Variants in FMN1 observed in about 807,000 individuals in gnomAD.
The protein encoded by FMN1 is formin 1.
FMN1 carries 110 observed loss-of-function variants against 132.4 expected under a neutral mutation model. The observed-to-expected ratio is 0.83, with a 90% CI of 0.71 to 0.97. The LOEUF is 0.97. FMN1 is among the 50% of genes least tolerant of loss of function. FMN1 has a pLI of 0.00. For synonymous variants in FMN1, 722 were observed against 651.7 expected (o/e 1.11, Z -1.64); for missense variants, 1,792 against 1,705.3 (o/e 1.05, Z -0.90).
intron 4 of FMN1, among the ~76,000 whole-genome samples, chr15:33,120,458 A>T (rs556457228): frequency 4.2e-4 from 64 of 152,166 alleles, no homozygotes; most frequent in Non-Finnish European, 7.9e-4. Context: ...ACATGTTCAA[A>T]GTTAGCCATC....
At chr15:32,853,566 C>T (rs1434450051) in intron 17 of FMN1, among the ~76,000 whole-genome samples, 1 of 152,180 alleles carries the variant, frequency 6.6e-6, no homozygotes, top group Non-Finnish European at 1.5e-5. Flanking sequence ...TTCTACGAAT[C>T]AGTGAAATAT....
rs68023229 is a variant in FMN1 at position 32,956,360 on chromosome 15, C to CT, written c.3138+7746dup. 9.2e-3 allele frequency among the ~76,000 whole-genome samples: 1,356 copies of CT among 147,458 alleles called. 28 individuals are homozygous for CT. Among genetic ancestry groups the CT allele is most frequent in the East Asian group, 0.084 (421 of 4,994 alleles). ...TCATATTTGACAAGTCCTAACCACT[C>CT]TTTTTTTTTTTTAAAAAAATAAGCA... On this transcript the variant is annotated intron_variant, in intron 9 of 20. Coordinates refer to ENST00000616417, the MANE Select transcript of FMN1 (RefSeq NM_001277313.2).
At chr15:33,128,276 AAC>A (rs1963311325) in intron 4 of FMN1, among the ~76,000 whole-genome samples, 1 of 152,306 alleles carries the variant, frequency 6.6e-6, no homozygotes, top group African/African-American at 2.4e-5. Context: ...TTAGAAGCGC[AAC>A]AGTTGGGAAT....
chr15:32,807,630 A>G (rs1019889047), intron 17 of FMN1, among the ~76,000 whole-genome samples: 8 of 152,198 alleles, frequency 5.3e-5, no homozygotes, highest in Non-Finnish European at 1.0e-4. Context: ...ATAACTGTAT[A>G]TGAATTTAGT....
At chr15:32,910,672 T>C (rs1273180022) in intron 10 of FMN1, 137 bp from the exon 11 acceptor site, 6 of 671,796 alleles carry the variant, frequency 8.9e-6, no homozygotes, top group African/African-American at 3.6e-5. Context: ...TCTGCTCCCC[T>C]TCCTTTCGCA....
chr15:33,165,215 A>AATATCGGGAGTATCTTTTTTAG (rs1468120229), intron 3 of FMN1, among the ~76,000 whole-genome samples: 47 of 152,316 alleles, frequency 3.1e-4, no homozygotes, highest in African/African-American at 1.1e-3. Flanking sequence ...TTCCTTTTCA[A>AATATCGGGAGTATCTTTTTTAG]ATATCGGGAG....
chr15:32,913,132 T>C (rs2060604081), intron 10 of FMN1, among the ~76,000 whole-genome samples: 1 of 152,100 alleles, frequency 6.6e-6, no homozygotes, highest in South Asian at 2.1e-4. Flanking sequence ...TCCAGTCCTT[T>C]AAAACCCCAC....
chr15:32,769,550 G>A lies in FMN1; in HGVS notation c.*4760C>T, dbSNP rs1005563538. 1 of 152,238 alleles carries A rather than the reference G, an allele frequency of 6.6e-6. No individual in the cohort carries two copies. The highest frequency in any genetic ancestry group is 1.5e-5 in the Non-Finnish European group (1 of 68,052). The allele number at this position is 152,238 out of a possible 1,614,324, so 9.4% of individuals were successfully genotyped here. A position where few individuals can be genotyped will look rare whatever the true frequency, so the allele number is the denominator to read the frequency against. On this transcript the variant is annotated 3_prime_UTR_variant, in exon 21 of 21. Coordinates refer to ENST00000616417, the MANE Select transcript of FMN1 (RefSeq NM_001277313.2). ...TCATTATGTAAGTCTAAAGAAGAAA[G>A]ATATGCTAAGTCAAGTATTTGAAGA...
chr15:33,128,805 G>A lies in FMN1; in HGVS notation c.1867+24243C>T, dbSNP rs149674708. Among the ~76,000 whole-genome samples, 460 of 152,368 alleles carry A rather than the reference G, an allele frequency of 3.0e-3. 4 individuals carry two copies. Among genetic ancestry groups the A allele is most frequent in the African/African-American group, 0.011 (445 of 41,590 alleles). ...ACGGTGAGCAGCAGCAAGATTTACT[G>A]TCACGAGCAAAATAACAAAGCCTCC... On this transcript the variant is annotated intron_variant, in intron 4 of 20. Coordinates refer to ENST00000616417, the MANE Select transcript of FMN1 (RefSeq NM_001277313.2).
chr15:32,981,284 G>C (rs887292588), intron 7 of FMN1, among the ~76,000 whole-genome samples: 2 of 151,944 alleles, frequency 1.3e-5, no homozygotes, highest in African/African-American at 4.8e-5. Flanking sequence ...GAGGTCAGGA[G>C]ATTGAGACCA....
rs560735685 is a variant in FMN1 at position 33,124,561 on chromosome 15, G to A, written c.1867+28487C>T. ...AATGTGTAGCCAGGGTTGAGTCATC[G>A]GAGTAGGAAAGCCCTTGGTCTTCAC... On this transcript the variant is annotated intron_variant, in intron 4 of 20. Coordinates refer to ENST00000616417, the MANE Select transcript of FMN1 (RefSeq NM_001277313.2). Among the ~76,000 whole-genome samples, 93 of 151,970 alleles carry A rather than the reference G, an allele frequency of 6.1e-4. 1 individual carries two copies. In the East Asian group the frequency reaches 0.015, roughly 25 times the overall value.
intron 7 of FMN1, among the ~76,000 whole-genome samples, chr15:32,999,771 G>C (rs1170000905): frequency 6.6e-6 from 1 of 152,194 alleles, no homozygotes; most frequent in Non-Finnish European, 1.5e-5. Context: ...TCGTTTCCAA[G>C]TCCTCTACTT....
chr15:33,060,583 G>C (rs533002058), intron 6 of FMN1, among the ~76,000 whole-genome samples: 2 of 152,256 alleles, frequency 1.3e-5, no homozygotes, highest in South Asian at 4.2e-4. Context: ...CACATGTCTT[G>C]ACAATTTGCT....
chr15:32,966,535 G>A (rs1389695305), intron 8 of FMN1, among the ~76,000 whole-genome samples: 2 of 152,094 alleles, frequency 1.3e-5, no homozygotes, highest in East Asian at 1.9e-4. Flanking sequence ...CTAAGAAGCT[G>A]AAAAGGTAGT....
chr15:33,090,316 G>A (rs1278371002), intron 4 of FMN1, among the ~76,000 whole-genome samples: 1 of 150,864 alleles, frequency 6.6e-6, no homozygotes, highest in Non-Finnish European at 1.5e-5. Context: ...CTAGAGCTGA[G>A]AGTAAAAGTC....
At chr15:32,986,836 T>C (rs935632015) in intron 7 of FMN1, among the ~76,000 whole-genome samples, 2 of 152,172 alleles carry the variant, frequency 1.3e-5, no homozygotes, top group African/African-American at 4.8e-5. Context: ...GATATTCATC[T>C]CCATAATTTG....
At chr15:33,149,666 T>C in intron 4 of FMN1, 1 of 404,868 alleles carries the variant, frequency 2.5e-6, no homozygotes. Context: ...GGGTAGAATA[T>C]GGCTGATGCA....
intron 7 of FMN1, among the ~76,000 whole-genome samples, chr15:32,969,713 A>G (rs937570092): frequency 2.0e-5 from 3 of 152,218 alleles, no homozygotes; most frequent in Non-Finnish European, 4.4e-5. Flanking sequence ...CTCACGGGAG[A>G]TAATTTTCAT....
chr15:32,785,216 A>ATTTTTTTTTT (rs1281698107), intron 19 of FMN1, among the ~76,000 whole-genome samples: 12 of 20,110 alleles, frequency 6.0e-4, no homozygotes, highest in African/African-American at 5.5e-4. Context: ...ATATATATAT[A>ATTTTTTTTTT]TATTTTTTTT....
Sources: gnomAD v4.1 joint callset for allele counts (sites outside exome capture counted in the v4.1 genomes callset) on GRCh38, gnomAD v4.1.1 for gene constraint, MANE v1.5 for transcripts, NCBI Gene and HGNC (gene_info 2026-07-23, HGNC 2026-07-21) for gene names.